The following NDST4 variants were observed in gnomAD, a reference collection of about 807,000 sequenced individuals.
The protein encoded by NDST4 is N-heparan sulfate sulfotransferase 4.
In NDST4, 63 loss-of-function variants were observed where a neutral mutation model predicts 100.8. The ratio of observed to expected loss-of-function variants is 0.62; its 90% CI spans 0.51 to 0.77. The LOEUF (loss-of-function observed/expected upper bound fraction) is 0.77. NDST4 is among the 30% of genes least tolerant of loss of function. The probability of loss-of-function intolerance (pLI) is 0.00; values close to 1 mark genes in which losing one functional copy is unlikely to be tolerated. For missense variants in NDST4, 943 were observed against 1,018.4 expected (o/e 0.93, Z 1.01); for synonymous variants, 377 against 361.8 (o/e 1.04, Z -0.48).
chr4:114,858,142 A>G (rs1723838409), intron 7 of NDST4, among the ~76,000 whole-genome samples: 1 of 152,230 alleles, frequency 6.6e-6, no homozygotes. Flanking sequence ...CCAGTGCTGA[A>G]TATCTGACCT....
intron 2 of NDST4, among the ~76,000 whole-genome samples, chr4:115,022,327 CAT>C (rs372843904): frequency 8.2e-4 from 115 of 139,816 alleles, no homozygotes; most frequent in East Asian, 4.4e-3. Context: ...GTTCCACATA[CAT>C]ATGTGTTCCA....
chr4:115,016,306 T>C (rs934044676), intron 2 of NDST4, among the ~76,000 whole-genome samples: 1 of 152,098 alleles, frequency 6.6e-6, no homozygotes, highest in African/African-American at 2.4e-5. Flanking sequence ...CTGTATATAA[T>C]CTGAATCATT....
intron 2 of NDST4, among the ~76,000 whole-genome samples, chr4:115,030,567 G>A (rs1267075181): frequency 2.6e-5 from 4 of 152,056 alleles, no homozygotes; most frequent in Admixed American, 6.6e-5. Flanking sequence ...AGACTTTTGG[G>A]AAGAAATATA....
chr4:114,929,094 A>G (rs867957603), intron 6 of NDST4, among the ~76,000 whole-genome samples: 25 of 117,326 alleles, frequency 2.1e-4, no homozygotes, highest in East Asian at 4.7e-4. Flanking sequence ...CCATCCATCC[A>G]TCCATCCATC....
At chr4:114,920,807 C>T (rs1578389494) in intron 6 of NDST4, among the ~76,000 whole-genome samples, 2 of 152,126 alleles carry the variant, frequency 1.3e-5, no homozygotes, top group Non-Finnish European at 2.9e-5. Flanking sequence ...TCTGTAGGAT[C>T]AATAACTGCA....
At chr4:114,861,405 T>C (rs1723914969) in intron 7 of NDST4, among the ~76,000 whole-genome samples, 1 of 152,214 alleles carries the variant, frequency 6.6e-6, no homozygotes, top group Non-Finnish European at 1.5e-5. Context: ...TGTAAGAGTA[T>C]TTATTATTTG....
At chr4:114,921,679 C>A (rs7674443) in intron 6 of NDST4, among the ~76,000 whole-genome samples, 32,404 of 151,966 alleles carry the variant, frequency 0.21, 5,502 homozygotes, top group African/African-American at 0.47. Context: ...GCACAAGGAA[C>A]TTAGATGACT....
intron 6 of NDST4, among the ~76,000 whole-genome samples, chr4:114,920,181 T>C (rs999677224): frequency 7.2e-5 from 11 of 152,276 alleles, no homozygotes; most frequent in East Asian, 5.8e-4. Flanking sequence ...CAGCAGAAGA[T>C]TGGGTAAAAG....
intron 6 of NDST4, among the ~76,000 whole-genome samples, chr4:114,886,195 G>A (rs748579010): frequency 1.1e-4 from 17 of 152,034 alleles, no homozygotes; most frequent in Non-Finnish European, 1.9e-4. Context: ...GTGAATTCAG[G>A]TCATTGGCAG....
intron 7 of NDST4, among the ~76,000 whole-genome samples, chr4:114,856,040 GA>G (rs1328460297): frequency 6.6e-6 from 1 of 151,528 alleles, no homozygotes; most frequent in Admixed American, 6.6e-5. Context: ...AGAGAGTTGA[GA>G]TAAGCCCCTT....
intron 1 of NDST4, among the ~76,000 whole-genome samples, chr4:115,093,209 C>G (rs1253661793): frequency 6.6e-6 from 1 of 152,150 alleles, no homozygotes; most frequent in South Asian, 2.1e-4. Flanking sequence ...AGAGCGGTGG[C>G]TCATGCCTGT....
At chr4:115,073,737 T>TA (rs1329521539) in intron 2 of NDST4, among the ~76,000 whole-genome samples, 1 of 151,832 alleles carries the variant, frequency 6.6e-6, no homozygotes, top group African/African-American at 2.4e-5. Context: ...AAACCTATAG[T>TA]AGATTCTAAT....
At chr4:114,958,100 T>G (rs992467076) in intron 4 of NDST4, among the ~76,000 whole-genome samples, 17 of 152,230 alleles carry the variant, frequency 1.1e-4, no homozygotes, top group Admixed American at 2.0e-4. Flanking sequence ...GTGGGGATTC[T>G]GTGTGGGGGC....
intron 6 of NDST4, among the ~76,000 whole-genome samples, chr4:114,882,155 G>A (rs1442191036): frequency 6.9e-6 from 1 of 144,338 alleles, no homozygotes; most frequent in Admixed American, 6.9e-5. Context: ...TTTTTTTTTA[G>A]TTTTTAGTTT....
chr4:114,845,802 C>T (rs373498943), intron 10 of NDST4, 21 bp downstream of exon 10: 36 of 1,580,472 alleles, frequency 2.3e-5, no homozygotes, highest in African/African-American at 2.0e-4. Context: ...TGCTTTTAGC[C>T]GATTTTTTTA....
intron 12 of NDST4, among the ~76,000 whole-genome samples, chr4:114,832,986 T>G (rs1212386008): frequency 6.6e-6 from 1 of 152,196 alleles, no homozygotes; most frequent in Non-Finnish European, 1.5e-5. Context: ...TATTCAAGTC[T>G]TCCAGGCTGT....
intron 10 of NDST4, among the ~76,000 whole-genome samples, chr4:114,840,187 A>G (rs1723396484): frequency 6.6e-6 from 1 of 152,156 alleles, no homozygotes; most frequent in Non-Finnish European, 1.5e-5. Flanking sequence ...AAGGGTTTCT[A>G]TCTAAACCTG....
At chr4:115,042,512 C>T (rs1238663807) in intron 2 of NDST4, among the ~76,000 whole-genome samples, 5 of 152,090 alleles carry the variant, frequency 3.3e-5, no homozygotes, top group African/African-American at 4.8e-5. Flanking sequence ...ATTCACATAA[C>T]TTATATTACA....
intron 4 of NDST4, among the ~76,000 whole-genome samples, chr4:114,939,054 A>G (rs1725693662): frequency 6.6e-6 from 1 of 152,202 alleles, no homozygotes; most frequent in African/African-American, 2.4e-5. Context: ...ACTACCAGAG[A>G]GGACAGGCAA....
Sources: gnomAD v4.1 joint callset for allele counts (sites outside exome capture counted in the v4.1 genomes callset) on GRCh38, gnomAD v4.1.1 for gene constraint, MANE v1.5 for transcripts, NCBI Gene and HGNC (gene_info 2026-07-23, HGNC 2026-07-21) for gene names.